RFC3: variants seen among roughly 807,000 people sequenced by gnomAD.
RFC3 encodes replication factor C subunit 3, also known as A1 38 kDa subunit.
Under a neutral mutation model 45.1 loss-of-function variants are expected in RFC3, and 41 were observed. The ratio of observed to expected loss-of-function variants is 0.91; its 90% confidence interval spans 0.71 to 1.18. The LOEUF (loss-of-function observed/expected upper bound fraction) is 1.18. RFC3 is among the 50% of genes most tolerant of loss of function. The probability of loss-of-function intolerance (pLI) is 0.00; values close to 1 mark genes in which losing one functional copy is unlikely to be tolerated. For synonymous variants in RFC3, 149 were observed against 144.0 expected (o/e 1.03, Z -0.25); for missense variants, 423 against 428.1 (o/e 0.99, Z 0.10).
At chr13:33,952,493 A>G (rs2082996875) in intron 8 of RFC3, among the ~76,000 whole-genome samples, 1 of 152,226 alleles carries the variant, frequency 6.6e-6, no homozygotes. Flanking sequence ...TCAGGTTTTC[A>G]TCTGCAGATG....
chr13:33,935,797 A>AC (rs1398798344), intron 8 of RFC3, among the ~76,000 whole-genome samples: 3 of 152,200 alleles, frequency 2.0e-5, no homozygotes, highest in African/African-American at 7.2e-5. Flanking sequence ...TTAGGAACAA[A>AC]CAAAAAAACC....
At chr13:33,969,288 C>A (rs1167959352), downstream of RFC3, among the ~76,000 whole-genome samples, 3 of 152,192 alleles carry the variant, frequency 2.0e-5, no homozygotes, top group Non-Finnish European at 4.4e-5. Context: ...AATTAGTTCA[C>A]AAAACTTGAC....
intron 8 of RFC3, among the ~76,000 whole-genome samples, chr13:33,880,247 T>C (rs937772718): frequency 2.0e-5 from 3 of 152,254 alleles, no homozygotes; most frequent in Non-Finnish European, 4.4e-5. Context: ...CAATCTGATA[T>C]GTTTATATAA....
downstream of RFC3, among the ~76,000 whole-genome samples, chr13:33,841,112 G>A (rs2082195083): frequency 6.6e-6 from 1 of 152,156 alleles, no homozygotes; most frequent in Non-Finnish European, 1.5e-5. Flanking sequence ...TGGGAACTCT[G>A]TTGTGAACTG....
chr13:33,821,203 G>T lies in RFC3; in HGVS notation c.159G>T (p.Met53Ile), dbSNP rs2082000468. The change falls in exon 2 of 9, where the codon ATG (methionine) becomes ATT (isoleucine). Residue 53 changes from methionine to isoleucine, a missense_variant. Transcript: ENST00000380071. Reference protein sequence around the residue: ...PSGAGKKTRIMCILRELYGVG... With the variant: ...PSGAGKKTRIICILRELYGVG... ...GTGCTGGAAAAAAGACAAGAATTAT[G>T]TGTATTCTACGTGAACTTTATGGTG... The T allele has an allele frequency of 6.2e-7, 1 of 1,613,494 alleles. No homozygotes were observed.
At chr13:33,914,156 A>G (rs529413611) in intron 8 of RFC3, among the ~76,000 whole-genome samples, 118 of 145,246 alleles carry the variant, frequency 8.1e-4, no homozygotes, top group African/African-American at 3.1e-3. Flanking sequence ...CATATTGAAA[A>G]GAGCATCTTA....
chr13:33,821,507 G>A (rs2082003906), intron 2 of RFC3, among the ~76,000 whole-genome samples: 1 of 152,184 alleles, frequency 6.6e-6, no homozygotes, highest in African/African-American at 2.4e-5. Context: ...AATGTAGAGG[G>A]TGAGATTAAT....
intron 8 of RFC3, among the ~76,000 whole-genome samples, chr13:33,864,635 T>G (rs1396532107): frequency 6.6e-6 from 1 of 152,052 alleles, no homozygotes; most frequent in East Asian, 1.9e-4. Flanking sequence ...GTTATGGGGC[T>G]GGGAGTAAGT....
chr13:33,944,691 A>G (rs1046409236), intron 8 of RFC3, among the ~76,000 whole-genome samples: 1 of 152,180 alleles, frequency 6.6e-6, no homozygotes, highest in African/African-American at 2.4e-5. Context: ...TTCAAGGTGC[A>G]GGAATCTTCA....
At chr13:33,832,415 A>T (rs1310611406) in intron 7 of RFC3, among the ~76,000 whole-genome samples, 1 of 152,218 alleles carries the variant, frequency 6.6e-6, no homozygotes, top group East Asian at 1.9e-4. Context: ...TTGTTGATAC[A>T]TCTGATGAAT....
At chr13:33,877,128 T>C (rs535612764) in intron 8 of RFC3, among the ~76,000 whole-genome samples, 2 of 152,216 alleles carry the variant, frequency 1.3e-5, no homozygotes, top group Admixed American at 6.5e-5. Flanking sequence ...CTTCATGATA[T>C]AGGTAGTATT....
intron 8 of RFC3, among the ~76,000 whole-genome samples, chr13:33,962,220 G>T (rs1201178045): frequency 6.6e-6 from 1 of 152,130 alleles, no homozygotes. Flanking sequence ...GAATTAGCCA[G>T]AGCTATGAGG....
At chr13:33,969,912 T>TTG (rs1351243373), downstream of RFC3, among the ~76,000 whole-genome samples, 33 of 147,400 alleles carry the variant, frequency 2.2e-4, no homozygotes, top group African/African-American at 7.7e-4. Context: ...TCAGATTTGT[T>TTG]TTTTTTTTTT....
intron 8 of RFC3, among the ~76,000 whole-genome samples, chr13:33,884,964 C>A (rs759099018): frequency 6.6e-6 from 1 of 152,164 alleles, no homozygotes; most frequent in African/African-American, 2.4e-5. Context: ...CTGAACTCCT[C>A]GACCTCTTAG....
chr13:33,828,664 C>T (rs1412266170), intron 4 of RFC3, among the ~76,000 whole-genome samples: 1 of 152,170 alleles, frequency 6.6e-6, no homozygotes, highest in Admixed American at 6.5e-5. Flanking sequence ...TCTCCTGGGA[C>T]TACAGGCACA....
chr13:33,886,402 C>T (rs933707290), intron 8 of RFC3, among the ~76,000 whole-genome samples: 2 of 151,848 alleles, frequency 1.3e-5, no homozygotes, highest in Non-Finnish European at 2.9e-5. Context: ...AAAGATTAGC[C>T]GGTCGTGGTG....
chr13:33,818,913 G>C (rs1481116812), intron 1 of RFC3, among the ~76,000 whole-genome samples: 1 of 128,888 alleles, frequency 7.8e-6, no homozygotes, highest in Non-Finnish European at 1.6e-5. Flanking sequence ...TTTTTGAGAC[G>C]GAGTTTAGCT....
intron 8 of RFC3, among the ~76,000 whole-genome samples, chr13:33,878,210 T>C (rs2082460492): frequency 6.6e-6 from 1 of 152,232 alleles, no homozygotes; most frequent in Non-Finnish European, 1.5e-5. Flanking sequence ...GGACGTGTCT[T>C]TGTACAGTGA....
At chr13:33,886,564 A>C (rs1215090731) in intron 8 of RFC3, among the ~76,000 whole-genome samples, 3 of 150,924 alleles carry the variant, frequency 2.0e-5, no homozygotes, top group South Asian at 2.1e-4. Flanking sequence ...AAGAAAAAAA[A>C]CCCATCATTA....
Sources: gnomAD v4.1 joint callset for allele counts (sites outside exome capture counted in the v4.1 genomes callset) on GRCh38, gnomAD v4.1.1 for gene constraint, MANE v1.5 for transcripts, NCBI Gene and HGNC (gene_info 2026-07-23, HGNC 2026-07-21) for gene names.